Variants in LMTK2 observed in about 807,000 individuals in gnomAD.
LMTK2 encodes the protein lemur tail kinase 2, also known as serine/threonine-protein kinase LMTK2.
Under a neutral mutation model 127.5 loss-of-function variants are expected in LMTK2, and 37 were observed. The observed-to-expected ratio is 0.29, with a 90% CI of 0.22 to 0.38. The LOEUF (loss-of-function observed/expected upper bound fraction) is 0.38, where lower values mean the gene tolerates loss of function less well. Ranked by LOEUF, LMTK2 falls within the 10% of genes least tolerant of loss-of-function variation. The pLI, the probability that LMTK2 is intolerant of heterozygous loss-of-function variation, is 1.00. For missense variants in LMTK2, 1,694 were observed against 1,920.3 expected, an observed-to-expected ratio of 0.88 and a Z score of 2.20; for synonymous variants, 819 against 810.1, an observed-to-expected ratio of 1.01 and a Z score of -0.19.
In LMTK2 at chr7:98,202,051, G is replaced by A. The variant is rs149433003; in HGVS notation, c.4108-1523G>A. ...CCACGCCCTGTCTCCTCTCTTCCTG[G>A]GACTCCAGGGTTAGACCCTGTGTAT... On this transcript the variant is annotated intron_variant, in intron 11 of 13. Coordinates refer to ENST00000297293, the MANE Select transcript of LMTK2 (RefSeq NM_014916.4). Among the ~76,000 whole-genome samples, 460 of 151,966 alleles carry A rather than the reference G, an allele frequency of 3.0e-3. 2 individuals carry two copies. Among genetic ancestry groups the A allele is most frequent in the Middle Eastern group, 0.02 (6 of 294 alleles).
In LMTK2 at chr7:98,134,567, C is replaced by T. The variant is rs946633017; in HGVS notation, c.104-2748C>T. Among the ~76,000 whole-genome samples the T allele has an allele frequency of 3.3e-5, 5 of 151,836 alleles. 1 individual carries two copies. Among genetic ancestry groups the T allele is most frequent in the Admixed American group, 6.6e-5 (1 of 15,258 alleles). ...CAGTGGCTCATGCCTGTAATCCCAG[C>T]GCTTTGGGAGGCTGAAGTGGGTGGC... is the stretch of plus-strand genomic sequence containing the variant. On this transcript the variant is annotated intron_variant, in intron 1 of 13. Transcript: ENST00000297293.
intron 1 of LMTK2, among the ~76,000 whole-genome samples, chr7:98,130,977 TAAATG>T (rs1393561375): frequency 6.6e-6 from 1 of 152,170 alleles, no homozygotes; most frequent in Non-Finnish European, 1.5e-5. Context: ...ATTCATTTAA[TAAATG>T]AAAGCTTCAA....
At chr7:98,155,019 C>T (rs189425164) in intron 5 of LMTK2, 143 bp downstream of exon 5, 20 of 570,392 alleles carry the variant, frequency 3.5e-5, no homozygotes, top group Non-Finnish European at 4.1e-5. Context: ...AATGTCCAGG[C>T]GTCATCTGAA....
intron 13 of LMTK2, among the ~76,000 whole-genome samples, chr7:98,204,818 C>T (rs1797764813): frequency 6.6e-6 from 1 of 152,214 alleles, no homozygotes; most frequent in African/African-American, 2.4e-5. Context: ...CATAGTCCCT[C>T]CTCCGCACTC....
chr7:98,203,743 A>T, intron 12 of LMTK2, 37 bp downstream of exon 12: 1 of 1,609,290 alleles, frequency 6.2e-7, no homozygotes, highest in Non-Finnish European at 8.5e-7. Context: ...AAGGAAACTG[A>T]AAAATTGAGT....
chr7:98,147,198 T>C (rs773967477), intron 3 of LMTK2, among the ~76,000 whole-genome samples: 2 of 152,152 alleles, frequency 1.3e-5, no homozygotes, highest in Non-Finnish European at 2.9e-5. Context: ...ACAGTTTGTG[T>C]CTCAGTATGG....
At chr7:98,142,842 T>C (rs550843504) in intron 3 of LMTK2, among the ~76,000 whole-genome samples, 93 of 152,368 alleles carry the variant, frequency 6.1e-4, no homozygotes, top group African/African-American at 2.2e-3. Flanking sequence ...GCATATCTGC[T>C]GAATCTCTTA....
At chr7:98,169,651 GGCTACCTTATGAAACTCCCA>G (rs1228990913) in intron 6 of LMTK2, among the ~76,000 whole-genome samples, 1 of 152,008 alleles carries the variant, frequency 6.6e-6, no homozygotes, top group East Asian at 1.9e-4. Flanking sequence ...TTTCTCTATG[GGCTACCTTATGAAACTCCCA>G]GCTGCCTGTA....
At chr7:98,116,834 C>T (rs567802286) in intron 1 of LMTK2, among the ~76,000 whole-genome samples, 1 of 152,340 alleles carries the variant, frequency 6.6e-6, no homozygotes, top group East Asian at 1.9e-4. Flanking sequence ...TGGGCTCCCC[C>T]AGTCCATTCC....
At chr7:98,197,554 T>A (rs985676087) in intron 11 of LMTK2, among the ~76,000 whole-genome samples, 1 of 152,226 alleles carries the variant, frequency 6.6e-6, no homozygotes, top group Non-Finnish European at 1.5e-5. Context: ...TCCGTCATAC[T>A]GTAAACAAGC....
rs75952980 is a variant in LMTK2 at position 98,186,560 on chromosome 7, A to G, written c.877-317A>G. Among the ~76,000 whole-genome samples, 318 of 152,312 alleles carry G rather than the reference A, an allele frequency of 2.1e-3. 6 individuals are homozygous for G. The South Asian group carries it at 0.04, about 19-fold the overall frequency. On this transcript the variant is annotated intron_variant, in intron 8 of 13. Transcript: ENST00000297293. ...CCTAACTGGCTTCACTGTTCAGCGC[A>G]TAAGTCCCAGTATATATTGTTTTAG...
chr7:98,138,247 C>T (rs931269270), intron 2 of LMTK2, among the ~76,000 whole-genome samples: 2 of 152,152 alleles, frequency 1.3e-5, no homozygotes, highest in Non-Finnish European at 2.9e-5. Context: ...GCAGGGCTGG[C>T]CCAGGAGCCT....
chr7:98,108,520 A>T (rs563921967), intron 1 of LMTK2, among the ~76,000 whole-genome samples: 9 of 152,318 alleles, frequency 5.9e-5, no homozygotes, highest in African/African-American at 1.7e-4. Context: ...ATAATGTAGC[A>T]CTAAATTTCT....
At chr7:98,109,542 G>A (rs554787519) in intron 1 of LMTK2, among the ~76,000 whole-genome samples, 93 of 152,048 alleles carry the variant, frequency 6.1e-4, no homozygotes, top group South Asian at 3.3e-3. Flanking sequence ...TCAGGAGTTC[G>A]AGACCAGCCT....
In LMTK2 at chr7:98,194,087, G is replaced by C. The variant is rs764183801; in HGVS notation, c.3622G>C (p.Glu1208Gln). 1.9e-6 allele frequency: 3 copies of C among 1,614,144 alleles called. No individual in the cohort carries two copies. Among genetic ancestry groups the C allele is most frequent in the Non-Finnish European group, 2.5e-6 (3 of 1,180,046 alleles). The change falls in exon 11 of 14, where the codon GAA (glutamate) becomes CAA (glutamine). Residue 1208 changes from glutamate (E) to glutamine (Q), a missense_variant. Coordinates refer to ENST00000297293, the MANE Select transcript of LMTK2 (RefSeq NM_014916.4). This position sits in a 1 kb window ranked among gnomAD's most constrained non-coding sequence, Gnocchi z 5.4. ...ASSPWSVLNA[E>Q]LSSGDDFETQ... The stretch of plus-strand genomic sequence containing the variant: ...CAGTCCCTGGAGTGTGCTGAATGCA[G>C]AACTTAGCAGCGGCGATGACTTCGA...
intron 7 of LMTK2, among the ~76,000 whole-genome samples, chr7:98,177,990 C>T (rs759112866): frequency 4.3e-4 from 65 of 152,164 alleles, no homozygotes; most frequent in African/African-American, 1.2e-3. Context: ...GTCAGAATGA[C>T]GTGACGAGCA....
rs561329062 is a variant in LMTK2, at chr7:98,191,696, C to A, written c.1231C>A (p.Arg411=). Residue 411 remains arginine (R), a synonymous_variant, in exon 11 of 14, where the codon CGG becomes AGG. Coordinates refer to ENST00000297293, the MANE Select transcript of LMTK2 (RefSeq NM_014916.4). ...EDVHRLLTYL[R]LQSQRDSEVD... is the part of the protein sequence containing the mutation. Reference sequence around the variant, plus strand: ...TGTGCACAGGCTGCTGACTTACCTGCGGCTGCAGAGCCAGCGGGACTCAGA... The same window carrying A: ...TGTGCACAGGCTGCTGACTTACCTGAGGCTGCAGAGCCAGCGGGACTCAGA... 9.9e-6 allele frequency: 16 copies of A among 1,614,166 alleles called. No homozygotes were observed. Among genetic ancestry groups the A allele is most frequent in the Non-Finnish European group, 1.4e-5 (16 of 1,180,020 alleles).
intron 1 of LMTK2, among the ~76,000 whole-genome samples, chr7:98,108,050 AT>A (rs1796142566): frequency 6.6e-6 from 1 of 152,242 alleles, no homozygotes; most frequent in Non-Finnish European, 1.5e-5. Flanking sequence ...GGAAAAAAAA[AT>A]CTAGGCTAAC....
At chr7:98,174,017 C>T (rs1449193797) in intron 7 of LMTK2, among the ~76,000 whole-genome samples, 1 of 150,824 alleles carries the variant, frequency 6.6e-6, no homozygotes, top group African/African-American at 2.4e-5. Context: ...GATCATGCCA[C>T]TGCACTCTAG....
Sources: allele counts gnomAD v4.1 joint callset (sites outside exome capture counted in the v4.1 genomes callset), GRCh38; gene constraint gnomAD v4.1.1; non-coding constraint Gnocchi (gnomAD v3.1); transcripts MANE v1.5; gene names NCBI Gene and HGNC (gene_info 2026-07-23, HGNC 2026-07-21).